The following RNF216 variants were observed in gnomAD, a reference collection of about 807,000 sequenced individuals.
The protein encoded by RNF216 is ring finger protein 216.
In RNF216, 72 loss-of-function variants were observed where a neutral mutation model predicts 110.8. The observed-to-expected ratio is 0.65, with a 90% CI of 0.54 to 0.79. The LOEUF (loss-of-function observed/expected upper bound fraction) is 0.79, where lower values mean the gene tolerates loss of function less well. RNF216 is among the 30% of genes least tolerant of loss of function. RNF216 has a pLI of 0.00. For missense variants in RNF216, 1,342 were observed against 1,141.2 expected (o/e 1.18, Z -2.54); for synonymous variants, 495 against 407.5 (o/e 1.21, Z -2.59).
At chr7:5,640,602 TATTTG>T (rs749007806) in intron 15 of RNF216, among the ~76,000 whole-genome samples, 8 of 152,218 alleles carry the variant, frequency 5.3e-5, no homozygotes, top group East Asian at 1.9e-4. Context: ...CAAGAAGAAA[TATTTG>T]ATTTGATTTC....
intron 13 of RNF216, 84 bp from the exon 14 acceptor site, chr7:5,652,594 G>T: frequency 2.3e-6 from 2 of 877,464 alleles, no homozygotes; most frequent in Admixed American, 1.9e-5. Context: ...GATATGAAAT[G>T]AGCTTTACTT....
intron 1 of RNF216, among the ~76,000 whole-genome samples, chr7:5,772,067 C>G (rs1486494530): frequency 6.6e-6 from 1 of 152,084 alleles, no homozygotes; most frequent in African/African-American, 2.4e-5. Flanking sequence ...AACCCTGTCT[C>G]TACTAAAAAT....
chr7:5,644,011 T>C (rs1787899635), intron 14 of RNF216, among the ~76,000 whole-genome samples: 1 of 152,246 alleles, frequency 6.6e-6, no homozygotes. Context: ...TGTTGTAGCA[T>C]GTATCGATAC....
At chr7:5,707,658 G>A (rs972442496) in intron 13 of RNF216, among the ~76,000 whole-genome samples, 1 of 150,280 alleles carries the variant, frequency 6.7e-6, no homozygotes, top group African/African-American at 2.5e-5. Flanking sequence ...AGTGGTGACA[G>A]TGATATCCTT....
intron 5 of RNF216, among the ~76,000 whole-genome samples, chr7:5,734,719 G>T (rs1047443436): frequency 6.6e-6 from 1 of 151,554 alleles, no homozygotes; most frequent in African/African-American, 2.4e-5. Context: ...AGCTATTCGG[G>T]AGACTGAGGC....
intron 13 of RNF216, among the ~76,000 whole-genome samples, chr7:5,661,950 G>A (rs966171450): frequency 1.3e-5 from 2 of 152,168 alleles, no homozygotes; most frequent in East Asian, 1.9e-4. Context: ...CCCACATGGC[G>A]TTTGCTAGCG....
Position 5,776,550 on chromosome 7 carries a change from G to C in RNF216, c.-70+4991C>G, listed in dbSNP as rs185360479. Among the ~76,000 whole-genome samples, 6 of 149,110 alleles carry C rather than the reference G, an allele frequency of 4.0e-5. No homozygotes were observed. In the East Asian group the frequency reaches 5.8e-4, roughly 15 times the overall value. On this transcript the variant is annotated intron_variant, in intron 1 of 16. Coordinates refer to ENST00000389902, the MANE Select transcript of RNF216 (RefSeq NM_207111.4). ...GCGGAGCTTGCAGTGAGCTAAGATC[G>C]GGCCACTGCACTCTAGCCTGGGCGA...
In RNF216 at chr7:5,638,669, GCT is replaced by G. The variant is rs377102257; in HGVS notation, c.2382+2483_2382+2484del. Reference sequence around the variant, plus strand: ...TTTTTTGGGGGGGAGACAGGGTCTTGCTCTGTCACCCAGGCTACAGTGCAGTG... The same window carrying G: ...TTTTTTGGGGGGGAGACAGGGTCTTGCTGTCACCCAGGCTACAGTGCAGTG... On this transcript the variant is annotated intron_variant, in intron 15 of 16. Transcript: ENST00000389902. Among the ~76,000 whole-genome samples, 744 of 142,156 alleles carry G rather than the reference GCT, an allele frequency of 5.2e-3. 2 individuals are homozygous for G. Among genetic ancestry groups the G allele is most frequent in the Non-Finnish European group, 9.1e-3 (605 of 66,516 alleles). 93.3% of individuals were successfully genotyped at this position (142,156 alleles called of 152,430 possible). A position where few individuals can be genotyped will look rare whatever the true frequency, so the allele number is the denominator to read the frequency against.
intron 13 of RNF216, among the ~76,000 whole-genome samples, chr7:5,702,725 T>TA (rs1461666473): frequency 6.6e-6 from 1 of 152,240 alleles, no homozygotes; most frequent in East Asian, 1.9e-4. Context: ...ACTATGCTTT[T>TA]AAATTTTAAA....
intron 3 of RNF216, among the ~76,000 whole-genome samples, chr7:5,746,414 G>A (rs1238883669): frequency 1.3e-5 from 2 of 152,292 alleles, no homozygotes; most frequent in Admixed American, 6.5e-5. Flanking sequence ...AAATGTGGGT[G>A]CAACTCCATT....
intron 12 of RNF216, 21 bp from the exon 13 acceptor site, chr7:5,711,860 C>T: frequency 6.2e-7 from 1 of 1,605,984 alleles, no homozygotes; most frequent in East Asian, 2.2e-5. Context: ...AACAGCAGAA[C>T]TGACATTACT....
In RNF216 at chr7:5,712,769, T is replaced by G; in HGVS notation, c.1928A>C (p.Tyr643Ser). The part of the protein sequence containing the change: ...VLPQTILYKY[Y>S]ERKAEEEVAA... ...AACCTCCTCCTCGGCTTTTCGCTCA[T>G]AGTACTTATACAGGATGGTCTGGGG... Residue 643 changes from tyrosine to serine, a missense_variant, in exon 12 of 17, where the codon TAT (tyrosine) becomes TCT (serine). Transcript: ENST00000389902. 1 of 1,614,106 alleles carries G rather than the reference T, an allele frequency of 6.2e-7. No individual in the cohort carries two copies. The highest frequency in any genetic ancestry group is 8.5e-7 in the Non-Finnish European group (1 of 1,180,014).
chr7:5,762,023 T>A (rs1329399128), intron 1 of RNF216, among the ~76,000 whole-genome samples: 1 of 152,102 alleles, frequency 6.6e-6, no homozygotes, highest in Non-Finnish European at 1.5e-5. Flanking sequence ...GAAATACGCA[T>A]AATAGAATAT....
intron 2 of RNF216, among the ~76,000 whole-genome samples, chr7:5,759,913 G>A (rs904663927): frequency 1.3e-5 from 2 of 152,048 alleles, no homozygotes; most frequent in South Asian, 4.1e-4. Context: ...TTACAGGAGT[G>A]AGCCACCACG....
At chr7:5,739,157 T>G (rs1376287097) in intron 5 of RNF216, 119 bp downstream of exon 5, 1 of 1,205,626 alleles carries the variant, frequency 8.3e-7, no homozygotes, top group Non-Finnish European at 1.1e-6. Flanking sequence ...CATAATAATG[T>G]GAATTTACTT....
chr7:5,758,023 T>C (rs767446065), intron 2 of RNF216, among the ~76,000 whole-genome samples: 3 of 152,078 alleles, frequency 2.0e-5, no homozygotes, highest in Non-Finnish European at 4.4e-5. Flanking sequence ...ATGCAGCTAA[T>C]AAAAACAAAA....
intron 1 of RNF216, among the ~76,000 whole-genome samples, chr7:5,770,299 T>C (rs1307292765): frequency 6.6e-6 from 1 of 151,456 alleles, no homozygotes; most frequent in African/African-American, 2.4e-5. Flanking sequence ...CCATCCCTAC[T>C]AAAAATACAA....
chr7:5,677,630 C>G (rs852402), intron 13 of RNF216, among the ~76,000 whole-genome samples: 28,085 of 150,908 alleles, frequency 0.19, 4,769 homozygotes, highest in African/African-American at 0.46. Flanking sequence ...TTGGAAAGAA[C>G]TGACTAAGAA....
intron 15 of RNF216, among the ~76,000 whole-genome samples, chr7:5,638,291 A>G (rs144406708): frequency 0.019 from 2,832 of 152,330 alleles, 40 homozygotes; most frequent in Non-Finnish European, 0.029. Flanking sequence ...AAAATTTGAC[A>G]TATCTCCTGT....
Sources: allele counts gnomAD v4.1 joint callset (sites outside exome capture counted in the v4.1 genomes callset), GRCh38; gene constraint gnomAD v4.1.1; transcripts MANE v1.5; gene names NCBI Gene and HGNC (gene_info 2026-07-23, HGNC 2026-07-21).